NIPAL3: variants seen among roughly 807,000 people sequenced by gnomAD.
NIPAL3 encodes NIPA-like protein 3.
Under a neutral mutation model 47.2 loss-of-function variants are expected in NIPAL3, and 41 were observed. The observed-to-expected ratio is 0.87, with a 90% confidence interval of 0.68 to 1.13. The LOEUF is 1.13. Ranked by LOEUF, NIPAL3 falls within the 50% of genes most tolerant of loss-of-function variation. The pLI is 0.00. For synonymous variants in NIPAL3, 194 were observed against 209.6 expected, an observed-to-expected ratio of 0.93 and a Z score of 0.64; for missense variants, 449 against 530.1, an observed-to-expected ratio of 0.85 and a Z score of 1.50.
chr1:24,469,405 G>A lies in NIPAL3; in HGVS notation c.*220G>A. 3.8e-6 allele frequency: 2 copies of A among 523,284 alleles called. No individual in the cohort carries two copies. The highest frequency in any genetic ancestry group is 3.1e-5 in the East Asian group (1 of 32,676). 32.4% of individuals were successfully genotyped at this position (523,284 alleles called of 1,614,324 possible). A position where few individuals can be genotyped will look rare whatever the true frequency, so the allele number is the denominator to read the frequency against. ...ATGGAAGCATTATTCCAGGTGGACGGGATAGAATCCAGCCTCTGCCTGGAT... is the reference window on the plus strand; with the variant it reads ...ATGGAAGCATTATTCCAGGTGGACGAGATAGAATCCAGCCTCTGCCTGGAT... On this transcript the variant is annotated 3_prime_UTR_variant, in exon 12 of 12. Transcript: ENST00000374399.
chr1:24,431,457 G>C (rs946303822), intron 2 of NIPAL3, among the ~76,000 whole-genome samples: 6 of 152,218 alleles, frequency 3.9e-5, no homozygotes, highest in Non-Finnish European at 8.8e-5. Flanking sequence ...CCTTGTGGAA[G>C]AAAATCTCTG....
chr1:24,460,427 A>C, intron 9 of NIPAL3, 54 bp from the exon 10 acceptor site: 5 of 1,428,782 alleles, frequency 3.5e-6, no homozygotes, highest in Non-Finnish European at 4.9e-6. Flanking sequence ...ACAGACTGGC[A>C]GATGGGTGAT....
At chr1:24,430,124 T>G (rs1219286625) in intron 2 of NIPAL3, among the ~76,000 whole-genome samples, 1 of 152,204 alleles carries the variant, frequency 6.6e-6, no homozygotes. Context: ...GAGTTTAGCA[T>G]CTATTCTACT....
At chr1:24,464,893 G>A (rs980587616) in intron 11 of NIPAL3, 1 of 152,302 alleles carries the variant, frequency 6.6e-6, no homozygotes, top group African/African-American at 2.4e-5. Flanking sequence ...TAAACACACT[G>A]ATGGTCTAGA....
rs1049526751 is a variant in NIPAL3, at chr1:24,436,060, G to A, written c.94-4112G>A. 1.3e-5 allele frequency among the ~76,000 whole-genome samples: 2 copies of A among 152,048 alleles called. 1 individual carries two copies. The highest frequency in any genetic ancestry group is 4.8e-5 in the African/African-American group (2 of 41,382). ...AAGAACACTAATTCCATTCATGAGG[G>A]CTCCACCGGCATGACCTAGTCACTT... is the stretch of plus-strand genomic sequence containing the variant. On this transcript the variant is annotated intron_variant, in intron 2 of 11. Transcript: ENST00000374399.
chr1:24,465,964 T>A, intron 11 of NIPAL3: 1 of 1,581,956 alleles, frequency 6.3e-7, no homozygotes, highest in Non-Finnish European at 8.6e-7. Context: ...CCACTTGGTT[T>A]CCCTGGTCAG....
chr1:24,443,115 T>C (rs1396669808), intron 4 of NIPAL3, among the ~76,000 whole-genome samples: 1 of 152,212 alleles, frequency 6.6e-6, no homozygotes, highest in East Asian at 1.9e-4. Flanking sequence ...AACTTTCTCA[T>C]CTGCCAGCTT....
intron 4 of NIPAL3, among the ~76,000 whole-genome samples, chr1:24,444,764 G>A (rs1645577247): frequency 6.6e-6 from 1 of 152,194 alleles, no homozygotes; most frequent in Non-Finnish European, 1.5e-5. Context: ...TACAGTGGAA[G>A]AAGTAAGAGC....
intron 10 of NIPAL3, 89 bp downstream of exon 10, chr1:24,460,633 C>A: frequency 1.8e-6 from 2 of 1,098,820 alleles, no homozygotes; most frequent in Non-Finnish European, 2.5e-6. Flanking sequence ...GCTACAGCCG[C>A]CCCATCCTTT....
intron 10 of NIPAL3, among the ~76,000 whole-genome samples, chr1:24,463,059 C>T (rs1418354465): frequency 1.3e-5 from 2 of 152,044 alleles, no homozygotes; most frequent in Non-Finnish European, 1.5e-5. Context: ...CATGCTGGCA[C>T]GTGCCTGTAA....
intron 5 of NIPAL3, 91 bp downstream of exon 5, chr1:24,445,335 T>G (rs1315970412): frequency 1.2e-6 from 1 of 868,872 alleles, no homozygotes; most frequent in African/African-American, 1.7e-5. Context: ...AGAGGTTATC[T>G]GCCTCCTGCT....
At chr1:24,419,918 C>T (rs986823050) in intron 2 of NIPAL3, 1 of 295,760 alleles carries the variant, frequency 3.4e-6, no homozygotes, top group African/African-American at 2.2e-5. Context: ...CCCGTCTCTA[C>T]TAAAAACACA....
At chr1:24,435,996 G>A (rs1645086385) in intron 2 of NIPAL3, among the ~76,000 whole-genome samples, 1 of 152,216 alleles carries the variant, frequency 6.6e-6, no homozygotes, top group Non-Finnish European at 1.5e-5. Context: ...GTCCTCACGT[G>A]ATGGAAGGGG....
chr1:24,469,989 A>C lies in NIPAL3; in HGVS notation c.*804A>C, dbSNP rs1011067746. 3 of 152,216 alleles carry C rather than the reference A, an allele frequency of 2.0e-5. No homozygotes were observed. The highest frequency in any genetic ancestry group is 4.8e-5 in the African/African-American group (2 of 41,462). The allele number at this position is 152,216 out of a possible 1,614,324, so 9.4% of individuals were successfully genotyped here. A position where few individuals can be genotyped will look rare whatever the true frequency, so the allele number is the denominator to read the frequency against. On this transcript the variant is annotated 3_prime_UTR_variant, in exon 12 of 12. Transcript: ENST00000374399. ...CAAAAGGTGATTGCACCACTTAAAA[A>C]AGGATAGGTAGAAAATCTGGCCATT...
chr1:24,440,660 G>A (rs544888935), intron 3 of NIPAL3, among the ~76,000 whole-genome samples: 64 of 152,314 alleles, frequency 4.2e-4, no homozygotes, highest in African/African-American at 1.5e-3. Context: ...CCCTCGGCCT[G>A]TCTGAGTTCA....
At chr1:24,463,170 AG>A (rs1015921205) in intron 10 of NIPAL3, among the ~76,000 whole-genome samples, 52 of 152,316 alleles carry the variant, frequency 3.4e-4, no homozygotes, top group African/African-American at 1.2e-3. Context: ...CCTGGGCAAC[AG>A]AGCGAGACTC....
intron 2 of NIPAL3, among the ~76,000 whole-genome samples, chr1:24,435,196 T>C (rs1645044999): frequency 6.6e-6 from 1 of 152,188 alleles, no homozygotes; most frequent in Admixed American, 6.5e-5. Context: ...AATAACTGGA[T>C]ATCCACATGT....
chr1:24,420,528 T>C (rs1310497050), intron 2 of NIPAL3, among the ~76,000 whole-genome samples: 3 of 152,138 alleles, frequency 2.0e-5, no homozygotes, highest in African/African-American at 7.2e-5. Flanking sequence ...TATATATATA[T>C]AGGTATGTAT....
intron 5 of NIPAL3, among the ~76,000 whole-genome samples, chr1:24,446,733 T>G (rs1335660450): frequency 6.6e-6 from 1 of 152,234 alleles, no homozygotes; most frequent in Non-Finnish European, 1.5e-5. Flanking sequence ...AGTGAACATA[T>G]GTGCACATGT....
Sources: gnomAD v4.1 joint callset for allele counts (sites outside exome capture counted in the v4.1 genomes callset) on GRCh38, gnomAD v4.1.1 for gene constraint, MANE v1.5 for transcripts, NCBI Gene and HGNC (gene_info 2026-07-23, HGNC 2026-07-21) for gene names.